The following LAMA4 variants were observed in gnomAD, a reference collection of about 807,000 sequenced individuals.
The protein encoded by LAMA4 is laminin subunit alpha-4.
LAMA4 carries 127 observed loss-of-function variants against 207.1 expected under a neutral mutation model. The observed-to-expected ratio is 0.61, with a 90% CI of 0.53 to 0.71. LAMA4 has a LOEUF of 0.71. LAMA4 is among the 30% of genes least tolerant of loss of function. LAMA4 has a pLI of 0.00. For synonymous variants in LAMA4, 761 were observed against 816.0 expected, an observed-to-expected ratio of 0.93 and a Z score of 1.15; for missense variants, 2,093 against 2,246.5, an observed-to-expected ratio of 0.93 and a Z score of 1.38.
chr6:112,165,357 G>T, intron 12 of LAMA4, 81 bp from the exon 13 acceptor site: 1 of 927,986 alleles, frequency 1.1e-6, no homozygotes, highest in Non-Finnish European at 1.8e-6. Flanking sequence ...ATGTCAACTT[G>T]CTCTCTTTGG....
In LAMA4 at chr6:112,217,860, C is replaced by A. The variant is rs140434163; in HGVS notation, c.196-1391G>T. 3 of 152,244 alleles carry A rather than the reference C, an allele frequency of 2.0e-5. No individual in the cohort carries two copies. In the East Asian group the frequency reaches 5.8e-4, roughly 29 times the overall value. The allele number at this position is 152,244 out of a possible 1,614,324, so 9.4% of individuals were successfully genotyped here. A position where few individuals can be genotyped will look rare whatever the true frequency, so the allele number is the denominator to read the frequency against. ...CAAGAGAGGGAAGACACTAAGATTG[C>A]AGTAGGAAGCATTTAATTTAGACCA... On this transcript the variant is annotated intron_variant, in intron 2 of 38. Transcript: ENST00000230538.
chr6:112,249,004 T>A lies in LAMA4; in HGVS notation c.195+4952A>T, dbSNP rs370328965. 2.0e-4 allele frequency among the ~76,000 whole-genome samples: 31 copies of A among 152,370 alleles called. No individual in the cohort carries two copies. The East Asian group carries it at 3.7e-3, about 18-fold the overall frequency. ...TAGTAGAAGTCAACAAGTATTAGTTTTTTTCTTTCTTACGTGAGTAGTTTT... is the reference window on the plus strand; with the variant it reads ...TAGTAGAAGTCAACAAGTATTAGTTATTTTCTTTCTTACGTGAGTAGTTTT... On this transcript the variant is annotated intron_variant, in intron 2 of 38. Coordinates refer to ENST00000230538, the MANE Select transcript of LAMA4 (RefSeq NM_001105206.3).
chr6:112,252,142 T>C (rs1584029970), intron 2 of LAMA4, among the ~76,000 whole-genome samples: 1 of 152,252 alleles, frequency 6.6e-6, no homozygotes, highest in East Asian at 1.9e-4. Context: ...GCACTCTATT[T>C]TATCTAATTT....
chr6:112,136,129 G>T lies in LAMA4; in HGVS notation c.3408C>A (p.Tyr1136Ter). The T allele has an allele frequency of 6.2e-7, 1 of 1,612,158 alleles. No individual in the cohort carries two copies. Among genetic ancestry groups the T allele is most frequent in the Non-Finnish European group, 8.5e-7 (1 of 1,179,348 alleles). Residue 1136 changes from tyrosine to a stop codon, truncating the protein, a stop_gained, in exon 25 of 39, where the codon TAC (tyrosine) becomes TAA (stop). Coordinates refer to ENST00000230538, the MANE Select transcript of LAMA4 (RefSeq NM_001105206.3). LOFTEE classifies it high-confidence loss of function. ...AAACTACAATGATTTGTACCTCATG[G>T]TATTTTGCATCATTAATTTGAGCTT... ...LKKAQINDAK[Y>*]HEISIIYHND...
chr6:112,177,842 A>G (rs781845866), intron 10 of LAMA4, among the ~76,000 whole-genome samples: 1 of 152,202 alleles, frequency 6.6e-6, no homozygotes, highest in Non-Finnish European at 1.5e-5. Context: ...ACAGCATGCA[A>G]TCTCCTCTGT....
intron 24 of LAMA4, among the ~76,000 whole-genome samples, chr6:112,136,848 T>G (rs1222928441): frequency 2.0e-5 from 3 of 152,212 alleles, no homozygotes; most frequent in Non-Finnish European, 4.4e-5. Context: ...ATTATTGCCT[T>G]TTAAGAAAAT....
At chr6:112,234,302 A>G (rs1177641718) in intron 2 of LAMA4, 5 of 152,094 alleles carry the variant, frequency 3.3e-5, no homozygotes, top group Non-Finnish European at 5.9e-5. Context: ...AAGAATGAAA[A>G]CAAGAACCTG....
chr6:112,191,743 T>G lies in LAMA4; in HGVS notation c.611A>C (p.Glu204Ala). The change falls in exon 6 of 39, where the codon GAA (glutamate) becomes GCA (alanine). Residue 204 changes from glutamate (E) to alanine (A), a missense_variant. By Grantham distance (107) the Glu-to-Ala change is moderately radical (BLOSUM62 -1). Transcript: ENST00000230538. ...DPNLIFEDCD[E>A]VTGQCRNCLR... ...GCAATTCCTACACTGGCCAGTGACT[T>G]CATCACAATCTTCAAAGATCAGGTT... The G allele has an allele frequency of 6.2e-7, 1 of 1,614,070 alleles. No individual in the cohort carries two copies. Among genetic ancestry groups the G allele is most frequent in the Non-Finnish European group, 8.5e-7 (1 of 1,179,918 alleles).
intron 36 of LAMA4, 97 bp from the exon 37 acceptor site, chr6:112,114,853 C>T: frequency 1.2e-6 from 1 of 851,192 alleles, no homozygotes; most frequent in Non-Finnish European, 2.0e-6. Context: ...AATACTTCAA[C>T]AAATATTCAC....
rs1283287205 is a variant in LAMA4, at chr6:112,142,676, T to TA, written c.2494-385dup. ...TGGGAGAAGTAGAACTAATTTTGGT[T>TA]ACTAATACAGCTGGGACTTTGTCCC... On this transcript the variant is annotated intron_variant, in intron 19 of 38. Transcript: ENST00000230538. Among the ~76,000 whole-genome samples the TA allele has an allele frequency of 2.0e-5, 3 of 152,306 alleles. No individual in the cohort carries two copies. The East Asian group carries it at 5.8e-4, about 29-fold the overall frequency.
chr6:112,249,927 C>A (rs1267055226), intron 2 of LAMA4, among the ~76,000 whole-genome samples: 1 of 152,202 alleles, frequency 6.6e-6, no homozygotes, highest in African/African-American at 2.4e-5. Flanking sequence ...CTTGTAGCCA[C>A]TCTTATAGAA....
rs375887858 is a variant in LAMA4 at position 112,178,334 on chromosome 6, A to G, written c.1078-102T>C. On this transcript the variant is annotated intron_variant, in intron 9 of 38. Coordinates refer to ENST00000230538, the MANE Select transcript of LAMA4 (RefSeq NM_001105206.3). ...GGCATAATGTATTTCCTAAACGTAA[A>G]TCTTCCTGGCATGTGAAAGTTCTAT... The G allele has an allele frequency of 4.8e-5, 39 of 808,498 alleles. No individual in the cohort carries two copies. In the African/African-American group the frequency reaches 6.1e-4, roughly 13 times the overall value. The allele number at this position is 808,498 out of a possible 1,614,324, so 50.1% of individuals were successfully genotyped here. A position where few individuals can be genotyped will look rare whatever the true frequency, so the allele number is the denominator to read the frequency against.
At chr6:112,211,985 G>A (rs887675379) in intron 3 of LAMA4, among the ~76,000 whole-genome samples, 14 of 152,080 alleles carry the variant, frequency 9.2e-5, no homozygotes, top group African/African-American at 2.7e-4. Flanking sequence ...GGAGGTTGTG[G>A]CTGTGAATTA....
At chr6:112,155,498 A>G in intron 15 of LAMA4, 67 bp downstream of exon 15, 1 of 1,549,774 alleles carries the variant, frequency 6.5e-7, no homozygotes, top group Non-Finnish European at 8.9e-7. Flanking sequence ...AGTTCAAGAG[A>G]TGACATCAGA....
At chr6:112,223,539 A>C (rs530537836) in intron 2 of LAMA4, among the ~76,000 whole-genome samples, 2 of 152,192 alleles carry the variant, frequency 1.3e-5, no homozygotes, top group Non-Finnish European at 2.9e-5. Flanking sequence ...AGTCTGCCTA[A>C]ATTACTTTTC....
At chr6:112,168,343 T>C (rs1554340724) in intron 12 of LAMA4, among the ~76,000 whole-genome samples, 1 of 128,626 alleles carries the variant, frequency 7.8e-6, no homozygotes, top group Admixed American at 7.9e-5. Flanking sequence ...GCAGCTAGTG[T>C]TCTTTTTTTT....
In LAMA4 at chr6:112,133,505, C is replaced by T. The variant is rs781894127; in HGVS notation, c.3558-18G>A. The T allele has an allele frequency of 1.2e-6, 2 of 1,613,344 alleles. No individual in the cohort carries two copies. Among genetic ancestry groups the T allele is most frequent in the Admixed American group, 3.3e-5 (2 of 59,990 alleles). Reference sequence around the variant, plus strand: ...TGAGGGCCCTGGAAAAGAAAGTCAGCCTCACTGATACAGCCATGATGATGA... The same window carrying T: ...TGAGGGCCCTGGAAAAGAAAGTCAGTCTCACTGATACAGCCATGATGATGA... On this transcript the variant is annotated intron_variant, in intron 26 of 38. Transcript: ENST00000230538.
At chr6:112,144,019 C>G (rs2114717454) in intron 19 of LAMA4, among the ~76,000 whole-genome samples, 1 of 152,146 alleles carries the variant, frequency 6.6e-6, no homozygotes, top group South Asian at 2.1e-4. Flanking sequence ...TAATTAGGAC[C>G]AGTAGTCTGC....
intron 2 of LAMA4, 26 bp downstream of exon 2, chr6:112,253,930 G>A: frequency 6.2e-6 from 10 of 1,609,108 alleles, no homozygotes; most frequent in Non-Finnish European, 7.6e-6. Context: ...TGCCCCAGCA[G>A]GGTGGCAATG....
Sources: gnomAD v4.1 joint callset for allele counts (sites outside exome capture counted in the v4.1 genomes callset) on GRCh38, gnomAD v4.1.1 for gene constraint, MANE v1.5 for transcripts, NCBI Gene and HGNC (gene_info 2026-07-23, HGNC 2026-07-21) for gene names.